Variants in CNTN4 observed in about 807,000 individuals in gnomAD.
The protein encoded by CNTN4 is contactin 4.
In CNTN4, 77 loss-of-function variants were observed where a neutral mutation model predicts 122.5. The observed-to-expected ratio is 0.63, with a 90% CI of 0.52 to 0.76. CNTN4 has a LOEUF of 0.76. Among genes scored for constraint, CNTN4 ranks in the 30% least tolerant of loss-of-function variants. The pLI is 0.00. For synonymous variants in CNTN4, 512 were observed against 447.0 expected (o/e 1.15, Z -1.83); for missense variants, 1,256 against 1,259.1 (o/e 1.00, Z 0.04).
chr3:2,195,099 C>T (rs2037775440), intron 2 of CNTN4, among the ~76,000 whole-genome samples: 1 of 152,190 alleles, frequency 6.6e-6, no homozygotes. Context: ...TGGGAGCTAT[C>T]CTACTATCCT....
chr3:2,740,975 T>G (rs1361287316), intron 5 of CNTN4, among the ~76,000 whole-genome samples: 4 of 152,212 alleles, frequency 2.6e-5, no homozygotes, highest in African/African-American at 4.8e-5. Context: ...GGAATTGGCT[T>G]AAAGATCACC....
chr3:2,133,065 A>C (rs2034526505), intron 2 of CNTN4, among the ~76,000 whole-genome samples: 1 of 152,160 alleles, frequency 6.6e-6, no homozygotes, highest in Admixed American at 6.5e-5. Flanking sequence ...GAAGGACTTG[A>C]TATTAGGACA....
chr3:2,275,404 T>C (rs963380041), intron 2 of CNTN4, among the ~76,000 whole-genome samples: 1 of 152,252 alleles, frequency 6.6e-6, no homozygotes. Flanking sequence ...CTACAGTTTT[T>C]ATTTACTAAA....
intron 12 of CNTN4, among the ~76,000 whole-genome samples, chr3:2,919,537 A>T (rs1442692204): frequency 2.0e-5 from 3 of 152,148 alleles, no homozygotes; most frequent in Non-Finnish European, 4.4e-5. Context: ...AGCTAATAAC[A>T]AGAGCTACTA....
intron 6 of CNTN4, among the ~76,000 whole-genome samples, chr3:2,798,326 T>C (rs2150034253): frequency 7.6e-6 from 1 of 132,432 alleles, no homozygotes; most frequent in East Asian, 2.2e-4. Flanking sequence ...TTTATGTTTA[T>C]ATAGTCTGTA....
At chr3:2,915,693 C>T (rs1203607727) in intron 12 of CNTN4, among the ~76,000 whole-genome samples, 1 of 152,142 alleles carries the variant, frequency 6.6e-6, no homozygotes, top group East Asian at 1.9e-4. Context: ...GCAATCCTAA[C>T]ATTTGGTATA....
intron 2 of CNTN4, among the ~76,000 whole-genome samples, chr3:2,271,850 G>A (rs2041311841): frequency 6.6e-6 from 1 of 152,068 alleles, no homozygotes; most frequent in African/African-American, 2.4e-5. Context: ...TTGTAATCCA[G>A]AATCATGTTA....
intron 23 of CNTN4, among the ~76,000 whole-genome samples, chr3:3,050,909 A>G (rs1465562767): frequency 6.6e-6 from 1 of 152,136 alleles, no homozygotes; most frequent in Non-Finnish European, 1.5e-5. Context: ...GAATAATAAC[A>G]TTGCCTTCCT....
intron 2 of CNTN4, among the ~76,000 whole-genome samples, chr3:2,160,710 C>T (rs181552235): frequency 6.6e-6 from 1 of 152,298 alleles, no homozygotes; most frequent in East Asian, 1.9e-4. Context: ...TAAACTTCCT[C>T]AGCAAGGGCT....
intron 2 of CNTN4, among the ~76,000 whole-genome samples, chr3:2,276,754 A>G (rs9841451): frequency 0.017 from 2,558 of 152,232 alleles, 72 homozygotes; most frequent in African/African-American, 0.059. Context: ...CGTCTCTACT[A>G]AAAATACAAA....
At chr3:2,105,128 G>T (rs1341670940) in intron 2 of CNTN4, among the ~76,000 whole-genome samples, 1 of 152,158 alleles carries the variant, frequency 6.6e-6, no homozygotes, top group African/African-American at 2.4e-5. Context: ...CTCCATGTAT[G>T]CCTTTGAACT....
At chr3:2,570,264 C>A (rs1015534455) in intron 3 of CNTN4, among the ~76,000 whole-genome samples, 1 of 151,766 alleles carries the variant, frequency 6.6e-6, no homozygotes, top group East Asian at 1.9e-4. Flanking sequence ...GCCTCGAACT[C>A]CTGGGTTGAA....
chr3:2,361,130 A>G (rs888655810), intron 3 of CNTN4, among the ~76,000 whole-genome samples: 2 of 152,218 alleles, frequency 1.3e-5, no homozygotes, highest in African/African-American at 4.8e-5. Context: ...GAGATGCTCA[A>G]TTCTTAAAGG....
At chr3:2,645,749 T>C (rs1288629586) in intron 4 of CNTN4, among the ~76,000 whole-genome samples, 3 of 152,188 alleles carry the variant, frequency 2.0e-5, no homozygotes, top group Admixed American at 6.5e-5. Flanking sequence ...CACTCTTTGT[T>C]CATGATGAAG....
intron 3 of CNTN4, among the ~76,000 whole-genome samples, chr3:2,508,802 T>C (rs1243630753): frequency 1.3e-5 from 2 of 152,244 alleles, no homozygotes; most frequent in Non-Finnish European, 2.9e-5. Context: ...GTCTCTTTTT[T>C]CCTTCTCTTT....
chr3:2,799,727 T>G (rs578081791), intron 6 of CNTN4, among the ~76,000 whole-genome samples: 17 of 152,272 alleles, frequency 1.1e-4, no homozygotes, highest in African/African-American at 4.1e-4. Context: ...CATGTATTTT[T>G]AGAAAAAAAT....
At chr3:2,148,451 T>C (rs1346854574) in intron 2 of CNTN4, among the ~76,000 whole-genome samples, 1 of 151,676 alleles carries the variant, frequency 6.6e-6, no homozygotes, top group Admixed American at 6.6e-5. Flanking sequence ...AGAAATCACT[T>C]GAGCTCAGAA....
intron 2 of CNTN4, among the ~76,000 whole-genome samples, chr3:2,278,680 A>G (rs149867201): frequency 6.6e-6 from 1 of 152,184 alleles, no homozygotes; most frequent in Non-Finnish European, 1.5e-5. Flanking sequence ...AATAGACAAG[A>G]TGCTTTTGAA....
intron 4 of CNTN4, chr3:2,629,442 C>G (rs977932761): frequency 3.6e-5 from 13 of 364,082 alleles, no homozygotes; most frequent in African/African-American, 2.6e-4. Context: ...TCAATTTTCC[C>G]AAGTCCGGTG....
Sources: allele counts gnomAD v4.1 joint callset (sites outside exome capture counted in the v4.1 genomes callset), GRCh38; gene constraint gnomAD v4.1.1; transcripts MANE v1.5; gene names NCBI Gene and HGNC (gene_info 2026-07-23, HGNC 2026-07-21).